EPHA3: variants seen among roughly 807,000 people sequenced by gnomAD.
The protein encoded by EPHA3 is ephrin type-A receptor 3.
A neutral mutation model predicts 107.1 loss-of-function variants in EPHA3; 42 were observed. That is an observed-to-expected ratio of 0.39 (90% confidence interval 0.31 to 0.51). The LOEUF (loss-of-function observed/expected upper bound fraction) is 0.51, where lower values mean the gene tolerates loss of function less well. EPHA3 is among the 20% of genes least tolerant of loss of function. The probability of loss-of-function intolerance (pLI) is 0.78; values close to 1 mark genes in which losing one functional copy is unlikely to be tolerated. For synonymous variants in EPHA3, 461 were observed against 424.8 expected (o/e 1.09, Z -1.05); for missense variants, 1,183 against 1,211.2 (o/e 0.98, Z 0.35).
At chr3:89,108,283 A>T (rs1250341421) in intron 1 of EPHA3, among the ~76,000 whole-genome samples, 3 of 152,046 alleles carry the variant, frequency 2.0e-5, no homozygotes, top group Admixed American at 1.3e-4. Flanking sequence ...CCTACTTGGG[A>T]TCATGGCATT....
At chr3:89,298,307 C>T (rs1403205297) in intron 3 of EPHA3, among the ~76,000 whole-genome samples, 1 of 151,902 alleles carries the variant, frequency 6.6e-6, no homozygotes, top group Non-Finnish European at 1.5e-5. Flanking sequence ...GTGTTCTCTG[C>T]AAAAAAACTC....
intron 3 of EPHA3, among the ~76,000 whole-genome samples, chr3:89,266,554 A>G (rs1457586530): frequency 6.6e-6 from 1 of 152,040 alleles, no homozygotes; most frequent in East Asian, 2.0e-4. Flanking sequence ...GATTTTTTTA[A>G]AGTAAATATT....
intron 5 of EPHA3, among the ~76,000 whole-genome samples, chr3:89,374,023 A>C (rs1272464220): frequency 6.6e-6 from 1 of 151,840 alleles, no homozygotes; most frequent in Non-Finnish European, 1.5e-5. Context: ...AGGATTTGTT[A>C]AAAATGAGTT....
chr3:89,434,327 C>T (rs1429157836), intron 13 of EPHA3, among the ~76,000 whole-genome samples: 3 of 152,138 alleles, frequency 2.0e-5, no homozygotes, highest in African/African-American at 7.2e-5. Flanking sequence ...AAGCAACTCT[C>T]ATGCCTCAGC....
intron 16 of EPHA3, among the ~76,000 whole-genome samples, chr3:89,476,302 G>A (rs868740044): frequency 4.0e-5 from 6 of 148,204 alleles, no homozygotes; most frequent in African/African-American, 1.5e-4. Context: ...ATTTCTTGAG[G>A]AATACACTCA....
chr3:89,430,084 T>C (rs1709537352), intron 12 of EPHA3, among the ~76,000 whole-genome samples: 1 of 152,112 alleles, frequency 6.6e-6, no homozygotes, highest in South Asian at 2.1e-4. Context: ...ATACTATATT[T>C]CACCATAAGA....
chr3:89,108,890 G>A (rs1707034257), intron 1 of EPHA3, among the ~76,000 whole-genome samples: 1 of 152,048 alleles, frequency 6.6e-6, no homozygotes, highest in Admixed American at 6.6e-5. Context: ...GTAACATTTA[G>A]CAATTTATTT....
chr3:89,314,550 A>T (rs1202710006), intron 3 of EPHA3, among the ~76,000 whole-genome samples: 1 of 151,954 alleles, frequency 6.6e-6, no homozygotes, highest in African/African-American at 2.4e-5. Context: ...ACACACTTAC[A>T]TGACTGCCTC....
intron 1 of EPHA3, among the ~76,000 whole-genome samples, chr3:89,114,499 C>T (rs922502339): frequency 1.3e-5 from 2 of 152,182 alleles, no homozygotes; most frequent in African/African-American, 4.8e-5. Flanking sequence ...GTGCGCGTAA[C>T]GCAGTCTCAG....
chr3:89,472,730 G>C, intron 16 of EPHA3, 111 bp downstream of exon 16: 1 of 1,260,968 alleles, frequency 7.9e-7, no homozygotes, highest in Non-Finnish European at 1.1e-6. Context: ...ATTAGTGGTA[G>C]ATCTGAGGTA....
intron 5 of EPHA3, among the ~76,000 whole-genome samples, chr3:89,343,953 G>A (rs58029174): frequency 0.026 from 3,915 of 152,144 alleles, 161 homozygotes; most frequent in African/African-American, 0.089. Flanking sequence ...GAAAAAATGA[G>A]TACTGCAATA....
At chr3:89,351,471 C>T (rs1247299514) in intron 5 of EPHA3, among the ~76,000 whole-genome samples, 21 of 150,242 alleles carry the variant, frequency 1.4e-4, no homozygotes, top group African/African-American at 2.4e-4. Flanking sequence ...CGCCCTGCTT[C>T]GGCTCGCGCA....
At chr3:89,453,515 T>C (rs1467858859) in intron 15 of EPHA3, among the ~76,000 whole-genome samples, 1 of 152,160 alleles carries the variant, frequency 6.6e-6, no homozygotes, top group Non-Finnish European at 1.5e-5. Context: ...CAATATTTTC[T>C]ATGAAAAGAC....
intron 13 of EPHA3, among the ~76,000 whole-genome samples, chr3:89,433,379 C>G (rs572310748): frequency 6.6e-6 from 1 of 151,960 alleles, no homozygotes; most frequent in Non-Finnish European, 1.5e-5. Flanking sequence ...GCATGCATAT[C>G]ATGCTATAAT....
intron 3 of EPHA3, among the ~76,000 whole-genome samples, chr3:89,331,314 G>A (rs149819257): frequency 6.6e-6 from 1 of 152,034 alleles, no homozygotes; most frequent in South Asian, 2.1e-4. Flanking sequence ...GAATAAGAAA[G>A]TACAAACAAC....
chr3:89,318,211 TGAA>T (rs1706956597), intron 3 of EPHA3, among the ~76,000 whole-genome samples: 1 of 151,894 alleles, frequency 6.6e-6, no homozygotes, highest in African/African-American at 2.4e-5. Context: ...CATAATAACT[TGAA>T]GAGATATTTT....
rs150115873 is a variant in EPHA3, at chr3:89,361,954, C to T, written c.1306+19864C>T. Among the ~76,000 whole-genome samples the T allele has an allele frequency of 7.7e-4, 117 of 151,176 alleles. 1 individual carries two copies. Among genetic ancestry groups the T allele is most frequent in the African/African-American group, 2.6e-3 (107 of 41,440 alleles). The stretch of plus-strand genomic sequence containing the variant: ...ATATGTATTTTGTTTGCAAAATGCA[C>T]ACTATGTCTAAAAATTACTTTAAGT... On this transcript the variant is annotated intron_variant, in intron 5 of 16. Coordinates refer to ENST00000336596, the MANE Select transcript of EPHA3 (RefSeq NM_005233.6).
At chr3:89,455,141 A>G (rs1375660832) in intron 15 of EPHA3, among the ~76,000 whole-genome samples, 4 of 152,204 alleles carry the variant, frequency 2.6e-5, no homozygotes, top group Admixed American at 1.3e-4. Context: ...TTAATTGTGT[A>G]TTTTAAAATA....
chr3:89,472,688 TTTG>T (rs200459033), intron 16 of EPHA3, 69 bp downstream of exon 16: 364,891 of 1,516,002 alleles, frequency 0.24, 47,683 homozygotes, highest in African/African-American at 0.36. Flanking sequence ...ACATGAAAGA[TTTG>T]TAACATCTTG....
Sources: allele counts gnomAD v4.1 joint callset (sites outside exome capture counted in the v4.1 genomes callset), GRCh38; gene constraint gnomAD v4.1.1; transcripts MANE v1.5; gene names NCBI Gene and HGNC (gene_info 2026-07-23, HGNC 2026-07-21).